Variants in GLI2 observed in about 807,000 individuals in gnomAD.
GLI2 encodes transcription activator GLI2.
A neutral mutation model predicts 78.9 loss-of-function variants in GLI2; 22 were observed. The observed-to-expected ratio is 0.28, with a 90% CI of 0.20 to 0.40. The LOEUF (loss-of-function observed/expected upper bound fraction) is 0.40. Ranked by LOEUF, GLI2 falls within the 10% of genes least tolerant of loss-of-function variation. The pLI, the probability that GLI2 is intolerant of heterozygous loss-of-function variation, is 1.00. For missense variants in GLI2, 2,097 were observed against 2,213.2 expected (o/e 0.95, Z 1.05); for synonymous variants, 974 against 963.7 (o/e 1.01, Z -0.20).
At chr2:120,948,311 C>T (rs780820981) in intron 3 of GLI2, among the ~76,000 whole-genome samples, 1 of 152,188 alleles carries the variant, frequency 6.6e-6, no homozygotes, top group Non-Finnish European at 1.5e-5. Flanking sequence ...AGGATATAGT[C>T]CAGGCATCCC....
chr2:120,980,933 T>C (rs1573722817), intron 10 of GLI2, among the ~76,000 whole-genome samples: 1 of 151,780 alleles, frequency 6.6e-6, no homozygotes, highest in Non-Finnish European at 1.5e-5. Context: ...CAGGCTAGAG[T>C]GCAATAGTGC....
rs149819397 is a variant in GLI2, at chr2:120,968,719, C to G, written c.649C>G (p.Arg217Gly). Reference sequence around the variant, plus strand: ...TTGTGTTGACTATCCCACAGTGTCCCGTTTCTCCAGCCCGCGGGTGACGCC... The same window carrying G: ...TTGTGTTGACTATCCCACAGTGTCCGGTTTCTCCAGCCCGCGGGTGACGCC... Reference protein sequence around the residue: ...HDYLNPVDVSRFSSPRVTPRL... With the variant: ...HDYLNPVDVSGFSSPRVTPRL... The change falls in exon 6 of 14, where the codon CGT (arginine) becomes GGT (glycine). Residue 217 changes from arginine to glycine, a missense_variant. Physicochemically the swap from Arg to Gly is moderately radical, Grantham distance 125. Around this residue, in one of 5 missense-constraint regions of GLI2, gnomAD observed 578 missense variants for 612.0 expected, o/e 0.94. Coordinates refer to ENST00000361492, the MANE Select transcript of GLI2 (RefSeq NM_001374353.1). 125 of 1,612,432 alleles carry G rather than the reference C, an allele frequency of 7.8e-5. No homozygotes were observed. The highest frequency in any genetic ancestry group is 1.0e-4 in the Non-Finnish European group (118 of 1,178,994).
intron 1 of GLI2, among the ~76,000 whole-genome samples, chr2:120,745,247 C>G (rs1682660368): frequency 6.6e-6 from 1 of 152,170 alleles, no homozygotes; most frequent in Admixed American, 6.5e-5. Flanking sequence ...TGGGATGCCT[C>G]CTTTCTTTTT....
At chr2:120,931,897 G>A (rs993749848) in intron 3 of GLI2, among the ~76,000 whole-genome samples, 1 of 152,128 alleles carries the variant, frequency 6.6e-6, no homozygotes, top group Non-Finnish European at 1.5e-5. Flanking sequence ...AGAGCCCCCC[G>A]TCCCTACGCG....
At chr2:120,905,871 C>A (rs1027460615) in intron 2 of GLI2, among the ~76,000 whole-genome samples, 2 of 151,782 alleles carry the variant, frequency 1.3e-5, no homozygotes, top group Non-Finnish European at 2.9e-5. Flanking sequence ...TACACTGCCC[C>A]CCCCCCGCCC....
At chr2:120,867,762 G>T (rs560198497) in intron 2 of GLI2, among the ~76,000 whole-genome samples, 56 of 152,326 alleles carry the variant, frequency 3.7e-4, no homozygotes, top group Non-Finnish European at 6.0e-4. Context: ...ATAAGTAGGC[G>T]CCAAGGCAGG....
intron 1 of GLI2, among the ~76,000 whole-genome samples, chr2:120,783,084 C>A (rs1246943584): frequency 6.6e-6 from 1 of 152,032 alleles, no homozygotes; most frequent in East Asian, 1.9e-4. Flanking sequence ...CAGGAGAAAG[C>A]CTGGAGCACC....
intron 4 of GLI2, 58 bp from the exon 5 acceptor site, chr2:120,955,187 G>T: frequency 1.4e-6 from 1 of 711,846 alleles, no homozygotes; most frequent in South Asian, 1.5e-5. Flanking sequence ...TTTTTGGCAG[G>T]AGAAGGCACA....
rs76051418 is a variant in GLI2 at position 120,947,515 on chromosome 2, A to G, written c.255-3728A>G. The stretch of plus-strand genomic sequence containing the variant: ...ACATCTCGGAAGGCTTCCTGGAGGA[A>G]GTGTCTAGACAGTCATTGATGGCTA... On this transcript the variant is annotated intron_variant, in intron 3 of 13. Transcript: ENST00000361492. 2.6e-4 allele frequency among the ~76,000 whole-genome samples: 39 copies of G among 152,272 alleles called. 2 individuals carry two copies. The East Asian group carries it at 7.5e-3, about 29-fold the overall frequency.
At position 120,988,853 on chromosome 2, in the gene GLI2, C is replaced by A. The variant is rs1377757442; in HGVS notation, c.2888C>A (p.Ser963Tyr). 9 of 1,490,882 alleles carry A rather than the reference C, an allele frequency of 6.0e-6. No homozygotes were observed. The Admixed American group carries it at 1.9e-4, about 31-fold the overall frequency. The allele number at this position is 1,490,882 out of a possible 1,614,324, so 92.4% of individuals were successfully genotyped here. ...SDPVRRPDALSLPRVQRFHST... is the reference protein window; with the variant it reads ...SDPVRRPDALYLPRVQRFHST... ...CCTGTGCGGCGGCCCGATGCCCTGT[C>A]CCTGCCGCGGGTGCAGCGCTTCCAC... Residue 963 changes from serine (S) to tyrosine (Y), a missense_variant, in exon 14 of 14, where the codon TCC (serine) becomes TAC (tyrosine). Transcript: ENST00000361492.
chr2:120,842,622 C>T lies in GLI2; in HGVS notation c.148+45154C>T, dbSNP rs115917392. ...AGCTTACAGGGAGCTCCTGGCATGC[C>T]GATGTGAGAACCGACCCTCCATAGC... On this transcript the variant is annotated intron_variant, in intron 2 of 13. Transcript: ENST00000361492. Among the ~76,000 whole-genome samples the T allele has an allele frequency of 1.5e-3, 225 of 152,312 alleles. 2 individuals are homozygous for T. The highest frequency in any genetic ancestry group is 4.7e-3 in the African/African-American group (197 of 41,558).
At chr2:120,962,983 T>C (rs1387532776) in intron 5 of GLI2, among the ~76,000 whole-genome samples, 1 of 152,236 alleles carries the variant, frequency 6.6e-6, no homozygotes, top group African/African-American at 2.4e-5. Context: ...AATTCACTCC[T>C]GCATCTTTCT....
chr2:120,868,177 G>A (rs1386046642), intron 2 of GLI2, among the ~76,000 whole-genome samples: 1 of 152,228 alleles, frequency 6.6e-6, no homozygotes, highest in African/African-American at 2.4e-5. Flanking sequence ...TGAGCTGCAA[G>A]GAGGACTCCA....
chr2:120,849,802 G>A (rs1012243344), intron 2 of GLI2, among the ~76,000 whole-genome samples: 2 of 152,204 alleles, frequency 1.3e-5, no homozygotes, highest in Non-Finnish European at 2.9e-5. Context: ...TTCAGGAGGA[G>A]ATGAAAATGT....
At chr2:120,857,343 G>GGCCCCCCCCCCCCCCCC (rs1687694904) in intron 2 of GLI2, among the ~76,000 whole-genome samples, 2 of 99,708 alleles carry the variant, frequency 2.0e-5, no homozygotes, top group African/African-American at 8.7e-5. Context: ...CTACCCATCT[G>GGCCCCCCCCCCCCCCCC]CCCACCCACC....
chr2:120,923,202 C>T (rs1679472596), intron 2 of GLI2, among the ~76,000 whole-genome samples: 1 of 151,440 alleles, frequency 6.6e-6, no homozygotes, highest in African/African-American at 2.4e-5. Flanking sequence ...AACACTTATA[C>T]ACATACAGCA....
chr2:120,990,400 G>A lies in GLI2; in HGVS notation c.4435G>A (p.Val1479Met). ...QPLPSPGVNQ[V>M]SSTVDSQLLE... Reference sequence around the variant, plus strand: ...CTTGCCCTCACCAGGGGTCAACCAGGTGTCCAGCACTGTGGACTCCCAGCT... The same window carrying A: ...CTTGCCCTCACCAGGGGTCAACCAGATGTCCAGCACTGTGGACTCCCAGCT... The change falls in exon 14 of 14, where the codon GTG becomes ATG. Residue 1479 changes from valine (V) to methionine (M), a missense_variant. Val to Met is a conservative substitution (Grantham distance 21). This residue lies in a region of GLI2 where 1,290 missense variants were observed against 1,261.7 expected (regional missense o/e 1.02). Transcript: ENST00000361492. 1 of 1,614,092 alleles carries A rather than the reference G, an allele frequency of 6.2e-7. No homozygotes were observed. Among genetic ancestry groups the A allele is most frequent in the Non-Finnish European group, 8.5e-7 (1 of 1,180,024 alleles).
At chr2:120,764,335 G>A (rs1683305612) in intron 1 of GLI2, among the ~76,000 whole-genome samples, 1 of 152,244 alleles carries the variant, frequency 6.6e-6, no homozygotes, top group South Asian at 2.1e-4. Context: ...TCAGGAGCAG[G>A]GTTTCTGGTT....
intron 2 of GLI2, among the ~76,000 whole-genome samples, chr2:120,816,486 C>T (rs760214007): frequency 5.3e-5 from 8 of 152,048 alleles, no homozygotes; most frequent in South Asian, 2.1e-4. Flanking sequence ...TAAGCCACGG[C>T]GCCCGGCCCC....
Sources: gnomAD v4.1 joint callset for allele counts (sites outside exome capture counted in the v4.1 genomes callset) on GRCh38, gnomAD v4.1.1 for gene constraint, gnomAD v4.1.1 regional missense constraint, MANE v1.5 for transcripts, NCBI Gene and HGNC (gene_info 2026-07-23, HGNC 2026-07-21) for gene names.